Variants in TLCD4 observed in about 807,000 individuals in gnomAD.
TLCD4 encodes TLC domain containing 4.
In TLCD4, 7 loss-of-function variants were observed where a neutral mutation model predicts 24.2. That is an observed-to-expected ratio of 0.29 (90% confidence interval 0.16 to 0.54). The LOEUF is 0.54. TLCD4 is among the 20% of genes least tolerant of loss of function. TLCD4 has a pLI of 0.95. For missense variants in TLCD4, 259 were observed against 313.9 expected, an observed-to-expected ratio of 0.82 and a Z score of 1.32; for synonymous variants, 103 against 106.4, an observed-to-expected ratio of 0.97 and a Z score of 0.20.
intron 5 of TLCD4, among the ~76,000 whole-genome samples, chr1:95,157,210 A>G (rs1333721111): frequency 6.6e-6 from 1 of 152,182 alleles, no homozygotes; most frequent in East Asian, 1.9e-4. Context: ...ATATAATTAT[A>G]TTATTTACTT....
At chr1:95,128,678 A>G (rs1043916487) in intron 1 of TLCD4, among the ~76,000 whole-genome samples, 1 of 152,052 alleles carries the variant, frequency 6.6e-6, no homozygotes, top group Non-Finnish European at 1.5e-5. Context: ...TATCAACAGA[A>G]CTCTTTTGCT....
At chr1:95,101,410 AGTGT>A in the TLCD4 span, among the ~76,000 whole-genome samples, 57,464 of 142,454 alleles carry the variant, frequency 0.4, 12,740 homozygotes, top group Middle Eastern at 0.52. Flanking sequence ...GACTAATTAA[AGTGT>A]GTGTGTGTGT....
the TLCD4 span, among the ~76,000 whole-genome samples, chr1:95,096,631 C>T: frequency 0.55 from 83,544 of 152,064 alleles, 23,659 homozygotes; most frequent in Non-Finnish European, 0.59. Flanking sequence ...ACAACTCTTA[C>T]ATTATATAGT....
At chr1:95,109,076 C>A in the TLCD4 span, among the ~76,000 whole-genome samples, 1 of 152,074 alleles carries the variant, frequency 6.6e-6, no homozygotes, top group Non-Finnish European at 1.5e-5. Context: ...ACCTGTAATC[C>A]CAGGACTTTG....
At chr1:95,142,304 T>C (rs1455592202) in intron 1 of TLCD4, among the ~76,000 whole-genome samples, 2 of 150,952 alleles carry the variant, frequency 1.3e-5, no homozygotes, top group Admixed American at 6.6e-5. Flanking sequence ...TTTTTTTTTT[T>C]TTTTTTTTAA....
chr1:95,117,623 G>A lies in TLCD4; in HGVS notation c.-12+6G>A. The A allele has an allele frequency of 6.5e-6, 1 of 152,740 alleles. No individual in the cohort carries two copies. Among genetic ancestry groups the A allele is most frequent in the Non-Finnish European group, 1.5e-5 (1 of 68,588 alleles). 9.5% of individuals were successfully genotyped at this position (152,740 alleles called of 1,614,324 possible). A position where few individuals can be genotyped will look rare whatever the true frequency, so the allele number is the denominator to read the frequency against. On this transcript the variant is annotated splice_donor_region_variant and intron_variant, in intron 1 of 6. Coordinates refer to ENST00000370203, the MANE Select transcript of TLCD4 (RefSeq NM_152487.3). ...CGCCCCGGGACCCGGCACAGGTGAC[G>A]CCGTTTGGAGGGGGGGTTGGGGAGG... is the stretch of plus-strand genomic sequence containing the variant.
intron 1 of TLCD4, among the ~76,000 whole-genome samples, chr1:95,134,816 G>A (rs188315818): frequency 6.6e-6 from 1 of 152,328 alleles, no homozygotes; most frequent in African/African-American, 2.4e-5. Flanking sequence ...GCTGCTGGAG[G>A]TGGATGATGG....
intron 5 of TLCD4, among the ~76,000 whole-genome samples, chr1:95,153,182 T>C (rs1041975306): frequency 6.6e-6 from 1 of 151,070 alleles, no homozygotes; most frequent in Non-Finnish European, 1.5e-5. Context: ...TGGTACAGAG[T>C]TTCCATTTGG....
At chr1:95,096,097 C>CT in the TLCD4 span, among the ~76,000 whole-genome samples, 1 of 152,216 alleles carries the variant, frequency 6.6e-6, no homozygotes, top group Non-Finnish European at 1.5e-5. Flanking sequence ...AGAAGGTACA[C>CT]TAACAGCAGG....
chr1:95,110,385 A>G, the TLCD4 span, among the ~76,000 whole-genome samples: 663 of 152,138 alleles, frequency 4.4e-3, 5 homozygotes, highest in African/African-American at 0.015. Flanking sequence ...TTTTAGTCAG[A>G]CATTACTACT....
chr1:95,099,810 G>GT, the TLCD4 span, among the ~76,000 whole-genome samples: 1,336 of 145,386 alleles, frequency 9.2e-3, 9 homozygotes, highest in African/African-American at 0.02. Flanking sequence ...CCCCATGAAA[G>GT]TTTTTTTTTT....
chr1:95,107,969 A>G, the TLCD4 span, among the ~76,000 whole-genome samples: 2 of 152,218 alleles, frequency 1.3e-5, no homozygotes, highest in African/African-American at 2.4e-5. Flanking sequence ...AGGAAGTAGA[A>G]TAACAATATG....
intron 6 of TLCD4, among the ~76,000 whole-genome samples, chr1:95,188,689 G>T (rs1216081696): frequency 6.6e-6 from 1 of 152,076 alleles, no homozygotes; most frequent in Non-Finnish European, 1.5e-5. Context: ...CATTTGGTTG[G>T]TTTCTGTGTT....
intron 6 of TLCD4, among the ~76,000 whole-genome samples, chr1:95,179,557 A>G (rs1303335629): frequency 6.6e-6 from 1 of 152,176 alleles, no homozygotes; most frequent in African/African-American, 2.4e-5. Flanking sequence ...GTCATAGACC[A>G]TCTCCTGTCT....
chr1:95,134,291 G>C (rs1676987514), intron 1 of TLCD4, among the ~76,000 whole-genome samples: 1 of 152,138 alleles, frequency 6.6e-6, no homozygotes, highest in Non-Finnish European at 1.5e-5. Context: ...AAGCAAAAGT[G>C]ATTGGGAGAT....
chr1:95,178,409 G>A (rs1043153211), intron 6 of TLCD4, among the ~76,000 whole-genome samples: 1 of 151,794 alleles, frequency 6.6e-6, no homozygotes, highest in Non-Finnish European at 1.5e-5. Context: ...ACAGGCATTC[G>A]CTGCCATCTC....
the TLCD4 span, among the ~76,000 whole-genome samples, chr1:95,102,905 AC>A: frequency 6.7e-6 from 1 of 149,774 alleles, no homozygotes. Flanking sequence ...TGGATAAAGT[AC>A]TATATATATA....
chr1:95,118,775 C>G (rs940204358), intron 1 of TLCD4, among the ~76,000 whole-genome samples: 3 of 152,130 alleles, frequency 2.0e-5, no homozygotes, highest in African/African-American at 7.2e-5. Flanking sequence ...GAATTTTTAT[C>G]CTTGCTTATC....
chr1:95,189,306 A>G (rs2101025233), intron 6 of TLCD4, among the ~76,000 whole-genome samples: 1 of 152,178 alleles, frequency 6.6e-6, no homozygotes, highest in South Asian at 2.1e-4. Context: ...ACCTCTTTCT[A>G]CCTTACTCCT....
Sources: gnomAD v4.1 joint callset for allele counts (sites outside exome capture counted in the v4.1 genomes callset) on GRCh38, gnomAD v4.1.1 for gene constraint, MANE v1.5 for transcripts, NCBI Gene and HGNC (gene_info 2026-07-23, HGNC 2026-07-21) for gene names.